The following ADAMTSL1 variants were observed in gnomAD, a reference collection of about 807,000 sequenced individuals.
ADAMTSL1 encodes the protein ADAMTS-like protein 1.
In ADAMTSL1, 126 loss-of-function variants were observed where a neutral mutation model predicts 201.8. That is an observed-to-expected ratio of 0.62 (90% CI 0.54 to 0.72). The LOEUF is 0.72. Among genes scored for constraint, ADAMTSL1 ranks in the 30% least tolerant of loss-of-function variants. ADAMTSL1 has a pLI of 0.00. For synonymous variants in ADAMTSL1, 1,121 were observed against 903.4 expected (o/e 1.24, Z -4.32); for missense variants, 2,679 against 2,277.8 (o/e 1.18, Z -3.59).
intron 2 of ADAMTSL1, among the ~76,000 whole-genome samples, chr9:18,182,621 G>A (rs1273013460): frequency 6.6e-6 from 1 of 152,164 alleles, no homozygotes; most frequent in East Asian, 1.9e-4. Flanking sequence ...CAGAGTGGCA[G>A]GTAGTGATAA....
intron 1 of ADAMTSL1, among the ~76,000 whole-genome samples, chr9:17,908,141 T>G (rs1347727450): frequency 6.6e-6 from 1 of 152,100 alleles, no homozygotes. Flanking sequence ...CTCTCATCAG[T>G]AGTAGAAATT....
At chr9:18,050,193 C>G (rs373610578) in intron 1 of ADAMTSL1, among the ~76,000 whole-genome samples, 3 of 152,102 alleles carry the variant, frequency 2.0e-5, no homozygotes, top group East Asian at 1.9e-4. Flanking sequence ...CCTGCTTAAA[C>G]TATTCATGAT....
At chr9:18,206,591 C>T (rs1407369755) in intron 2 of ADAMTSL1, among the ~76,000 whole-genome samples, 3 of 152,160 alleles carry the variant, frequency 2.0e-5, no homozygotes, top group African/African-American at 4.8e-5. Context: ...TCTAGCCCTA[C>T]ATTAACCAGA....
At chr9:18,412,923 G>C (rs1420971309) in intron 2 of ADAMTSL1, among the ~76,000 whole-genome samples, 1 of 152,100 alleles carries the variant, frequency 6.6e-6, no homozygotes, top group African/African-American at 2.4e-5. Flanking sequence ...TATTTCGTAT[G>C]TGATTTTTGC....
chr9:18,855,910 C>T (rs988028850), intron 23 of ADAMTSL1, among the ~76,000 whole-genome samples: 1 of 152,186 alleles, frequency 6.6e-6, no homozygotes. Context: ...CTGCCAGCTT[C>T]CTGAGCCCAG....
intron 2 of ADAMTSL1, among the ~76,000 whole-genome samples, chr9:18,356,604 AACACACACACACACACACAC>A (rs67090987): frequency 7.0e-6 from 1 of 143,452 alleles, no homozygotes; most frequent in African/African-American, 2.6e-5. Flanking sequence ...TACACAATAA[AACACACACACACACACACAC>A]ACACACACAC....
chr9:17,913,445 T>C (rs1389864439), intron 1 of ADAMTSL1, among the ~76,000 whole-genome samples: 1 of 152,142 alleles, frequency 6.6e-6, no homozygotes, highest in African/African-American at 2.4e-5. Flanking sequence ...GGTATTTTAT[T>C]CTCCTTGAAG....
chr9:17,988,382 T>C (rs755835684), intron 1 of ADAMTSL1, among the ~76,000 whole-genome samples: 1 of 152,070 alleles, frequency 6.6e-6, no homozygotes, highest in African/African-American at 2.4e-5. Flanking sequence ...TTTTCCACAA[T>C]GAATAGCAAC....
At chr9:18,234,277 G>A (rs1016781748) in intron 2 of ADAMTSL1, among the ~76,000 whole-genome samples, 1 of 152,200 alleles carries the variant, frequency 6.6e-6, no homozygotes, top group African/African-American at 2.4e-5. Context: ...GTGAGCAGGT[G>A]TGAGAGGACT....
intron 2 of ADAMTSL1, among the ~76,000 whole-genome samples, chr9:18,400,465 C>T (rs1311414460): frequency 1.4e-4 from 21 of 152,130 alleles, no homozygotes; most frequent in Non-Finnish European, 2.2e-4. Flanking sequence ...TACTATGTTT[C>T]GTTCATAATA....
chr9:18,509,469 T>A (rs1817897406), intron 2 of ADAMTSL1, among the ~76,000 whole-genome samples: 1 of 152,184 alleles, frequency 6.6e-6, no homozygotes, highest in Non-Finnish European at 1.5e-5. Flanking sequence ...GAATATCAGA[T>A]AAGGAATTAT....
At chr9:18,318,296 G>A (rs1006437224) in intron 2 of ADAMTSL1, among the ~76,000 whole-genome samples, 2 of 152,116 alleles carry the variant, frequency 1.3e-5, no homozygotes, top group East Asian at 3.9e-4. Context: ...TTATGGACGG[G>A]TACTTCTATT....
intron 4 of ADAMTSL1, among the ~76,000 whole-genome samples, chr9:18,583,284 G>A (rs542968786): frequency 2.0e-5 from 3 of 152,312 alleles, no homozygotes. Flanking sequence ...GGCTGAAAGG[G>A]GTCAAGGTAG....
chr9:17,929,718 G>T (rs1826701650), intron 1 of ADAMTSL1, among the ~76,000 whole-genome samples: 1 of 152,082 alleles, frequency 6.6e-6, no homozygotes. Flanking sequence ...CATCTGTCTG[G>T]CCTGCAGCTT....
chr9:18,884,591 A>G (rs1828739731), intron 23 of ADAMTSL1, among the ~76,000 whole-genome samples: 1 of 152,130 alleles, frequency 6.6e-6, no homozygotes, highest in South Asian at 2.1e-4. Flanking sequence ...ATTTTTATAT[A>G]TAGTGTAAGT....
intron 1 of ADAMTSL1, among the ~76,000 whole-genome samples, chr9:18,139,692 A>T (rs780068120): frequency 6.6e-6 from 1 of 152,226 alleles, no homozygotes; most frequent in Non-Finnish European, 1.5e-5. Flanking sequence ...TATGTAGGTT[A>T]TATTTTAACC....
intron 26 of ADAMTSL1, among the ~76,000 whole-genome samples, chr9:18,892,902 T>G (rs1317026803): frequency 6.6e-6 from 1 of 152,084 alleles, no homozygotes; most frequent in East Asian, 1.9e-4. Flanking sequence ...CCCCCAGGTG[T>G]GTCCTTTGGA....
At chr9:18,857,233 G>A (rs1826915800) in intron 23 of ADAMTSL1, among the ~76,000 whole-genome samples, 1 of 152,204 alleles carries the variant, frequency 6.6e-6, no homozygotes. Context: ...GTAAGTTGCT[G>A]ACATAATACC....
intron 27 of ADAMTSL1, 36 bp from the exon 28 acceptor site, chr9:18,906,656 G>A: frequency 6.7e-7 from 1 of 1,497,824 alleles, no homozygotes. Context: ...AGCCCCCACA[G>A]AAGCAAACCT....
Sources: gnomAD v4.1 joint callset for allele counts (sites outside exome capture counted in the v4.1 genomes callset) on GRCh38, gnomAD v4.1.1 for gene constraint, MANE v1.5 for transcripts, NCBI Gene and HGNC (gene_info 2026-07-23, HGNC 2026-07-21) for gene names.